DIAPH2: variants seen among roughly 807,000 people sequenced by gnomAD.
The protein encoded by DIAPH2 is protein diaphanous homolog 2.
DIAPH2 carries 35 observed loss-of-function variants against 92.7 expected under a neutral mutation model. The ratio of observed to expected loss-of-function variants is 0.38; its 90% CI spans 0.29 to 0.50. The LOEUF (loss-of-function observed/expected upper bound fraction) is 0.50. Among genes scored for constraint, DIAPH2 ranks in the 20% least tolerant of loss-of-function variants. The pLI, the probability that DIAPH2 is intolerant of heterozygous loss-of-function variation, is 0.94. For missense variants in DIAPH2, 701 were observed against 819.5 expected (o/e 0.86, Z 1.77); for synonymous variants, 301 against 280.4 (o/e 1.07, Z -0.73).
intron 26 of DIAPH2, among the ~76,000 whole-genome samples, chrX:97,580,380 G>T (rs1347539742): frequency 2.9e-5 from 3 of 102,777 alleles, no homozygotes; most frequent in African/African-American, 1.1e-4. Context: ...TAGCATGAAA[G>T]GTTGTTGAAT....
chrX:97,192,293 C>CAAAAAAAA (rs773665704), intron 22 of DIAPH2, among the ~76,000 whole-genome samples: 1 of 32,389 alleles, frequency 3.1e-5, no homozygotes, highest in Non-Finnish European at 5.7e-5. Context: ...GACTCCGTCT[C>CAAAAAAAA]AAAAAAAAAA....
At chrX:96,894,429 A>T (rs2065329138) in intron 5 of DIAPH2, among the ~76,000 whole-genome samples, 2 of 111,892 alleles carry the variant, frequency 1.8e-5, no homozygotes, top group African/African-American at 3.2e-5. Context: ...AAATTTCCAT[A>T]TGTGAATTAA....
intron 9 of DIAPH2, among the ~76,000 whole-genome samples, chrX:96,930,528 T>C (rs192133506): frequency 7.2e-5 from 8 of 111,729 alleles, no homozygotes. Context: ...TCATCACATC[T>C]TTGTTAGAAT....
At chrX:96,843,326 A>G (rs894029157) in intron 4 of DIAPH2, among the ~76,000 whole-genome samples, 3 of 111,863 alleles carry the variant, frequency 2.7e-5, no homozygotes, top group Non-Finnish European at 5.6e-5. Flanking sequence ...ACTGTGAGCC[A>G]ATTAAACATC....
intron 26 of DIAPH2, among the ~76,000 whole-genome samples, chrX:97,590,368 A>G (rs1021170685): frequency 8.9e-6 from 1 of 111,945 alleles, no homozygotes; most frequent in Non-Finnish European, 1.9e-5. Flanking sequence ...GCACATGTTA[A>G]AAACAAAAAG....
At chrX:97,508,863 A>G (rs925256668) in intron 26 of DIAPH2, among the ~76,000 whole-genome samples, 1 of 109,960 alleles carries the variant, frequency 9.1e-6, no homozygotes, top group African/African-American at 3.3e-5. Flanking sequence ...ACCAGCTTGA[A>G]TCTAACTATT....
chrX:96,919,783 A>G (rs1156810678), intron 9 of DIAPH2, among the ~76,000 whole-genome samples: 1 of 111,349 alleles, frequency 9.0e-6, no homozygotes, highest in Non-Finnish European at 1.9e-5. Flanking sequence ...ATGTTGAAGG[A>G]TCTTTGTTAA....
chrX:96,997,007 T>C (rs1201566450), intron 17 of DIAPH2, among the ~76,000 whole-genome samples: 1 of 112,160 alleles, frequency 8.9e-6, no homozygotes, highest in East Asian at 2.8e-4. Context: ...GTCAGATTTG[T>C]TGCCACCTAA....
At chrX:97,070,857 G>T in intron 17 of DIAPH2, among the ~76,000 whole-genome samples, 1 of 111,648 alleles carries the variant, frequency 9.0e-6, no homozygotes, top group Middle Eastern at 4.7e-3. Context: ...TTGTTCACTT[G>T]AAAAGGGGAG....
At chrX:97,092,764 T>G (rs1202299586) in intron 19 of DIAPH2, among the ~76,000 whole-genome samples, 1 of 111,890 alleles carries the variant, frequency 8.9e-6, no homozygotes, top group Non-Finnish European at 1.9e-5. Context: ...ATGTACTATT[T>G]TATAATAATG....
chrX:96,989,455 T>A (rs2066053699), intron 17 of DIAPH2, among the ~76,000 whole-genome samples: 1 of 111,844 alleles, frequency 8.9e-6, no homozygotes, highest in African/African-American at 3.2e-5. Flanking sequence ...GAATTCTTAG[T>A]GGGTTGTCTG....
chrX:97,025,661 A>G (rs1300676020), intron 17 of DIAPH2, among the ~76,000 whole-genome samples: 1 of 109,258 alleles, frequency 9.2e-6, no homozygotes, highest in Non-Finnish European at 1.9e-5. Flanking sequence ...CAAAAACAAA[A>G]CAAACAAACA....
At chrX:97,501,183 A>G (rs761737694) in intron 26 of DIAPH2, among the ~76,000 whole-genome samples, 12 of 110,776 alleles carry the variant, frequency 1.1e-4, no homozygotes, top group Admixed American at 7.8e-4. Flanking sequence ...AGAGCTAGTC[A>G]GATTGACAGA....
chrX:97,130,878 G>A (rs930285722), intron 21 of DIAPH2, among the ~76,000 whole-genome samples: 2 of 110,932 alleles, frequency 1.8e-5, no homozygotes, highest in Non-Finnish European at 3.8e-5. Flanking sequence ...GCCGAGGTGG[G>A]CGAATCACTT....
At chrX:97,079,254 G>T (rs749322542) in intron 19 of DIAPH2, among the ~76,000 whole-genome samples, 1 of 110,892 alleles carries the variant, frequency 9.0e-6, no homozygotes, top group East Asian at 2.8e-4. Flanking sequence ...TATTGAGTTT[G>T]GTCATGGTCA....
chrX:97,084,405 T>C (rs1425452672), intron 19 of DIAPH2, among the ~76,000 whole-genome samples: 2 of 111,686 alleles, frequency 1.8e-5, no homozygotes, highest in Non-Finnish European at 3.8e-5. Context: ...TTACAATTGG[T>C]ATTTTGAAAT....
At chrX:97,082,313 A>G (rs1272343220) in intron 19 of DIAPH2, among the ~76,000 whole-genome samples, 2 of 108,439 alleles carry the variant, frequency 1.8e-5, no homozygotes, top group African/African-American at 6.7e-5. Flanking sequence ...TAGAACAGGA[A>G]TTTCCTCATA....
intron 3 of DIAPH2, among the ~76,000 whole-genome samples, chrX:96,747,868 G>A (rs2064160216): frequency 8.9e-6 from 1 of 112,096 alleles, no homozygotes; most frequent in African/African-American, 3.2e-5. Flanking sequence ...AATAAGCCAT[G>A]GAAATAGTTG....
At chrX:97,289,134 C>T (rs1186392211) in intron 23 of DIAPH2, among the ~76,000 whole-genome samples, 1 of 111,430 alleles carries the variant, frequency 9.0e-6, no homozygotes, top group Non-Finnish European at 1.9e-5. Context: ...AGCAAGGGTA[C>T]AGAAATCTTG....
Sources: gnomAD v4.1 joint callset for allele counts (sites outside exome capture counted in the v4.1 genomes callset) on GRCh38, gnomAD v4.1.1 for gene constraint, MANE v1.5 for transcripts, NCBI Gene and HGNC (gene_info 2026-07-23, HGNC 2026-07-21) for gene names.